The following SLC18A1 variants were observed in gnomAD, a reference collection of about 807,000 sequenced individuals.
SLC18A1 encodes the protein solute carrier family 18 member A1.
SLC18A1 carries 69 observed loss-of-function variants against 53.7 expected under a neutral mutation model. That is an observed-to-expected ratio of 1.28 (90% CI 1.06 to 1.57). SLC18A1 has a LOEUF of 1.57. SLC18A1 is among the 40% of genes most tolerant of loss of function. SLC18A1 has a pLI of 0.00. For missense variants in SLC18A1, 932 were observed against 668.1 expected (o/e 1.40, Z -4.35); for synonymous variants, 320 against 248.1 (o/e 1.29, Z -2.72).
intron 6 of SLC18A1, among the ~76,000 whole-genome samples, chr8:20,172,297 T>G (rs1209449321): frequency 6.6e-6 from 1 of 152,210 alleles, no homozygotes; most frequent in Non-Finnish European, 1.5e-5. Context: ...TGATGGATAC[T>G]AGCAAATAAC....
At chr8:20,166,845 C>T (rs1245837634) in intron 8 of SLC18A1, among the ~76,000 whole-genome samples, 2 of 151,812 alleles carry the variant, frequency 1.3e-5, no homozygotes, top group African/African-American at 2.4e-5. Context: ...AAACTGTTTT[C>T]CTTATAAAAA....
intron 8 of SLC18A1, among the ~76,000 whole-genome samples, chr8:20,170,168 G>A (rs2072074728): frequency 6.6e-6 from 1 of 152,190 alleles, no homozygotes; most frequent in Admixed American, 6.5e-5. Context: ...AAGCCAGTCT[G>A]TAAAGAGCAG....
rs1260694449 is a variant in SLC18A1, at chr8:20,146,254, G to A, written c.1465-378C>T. ...TTTTTTTTACCAATCTCCTCATTCC[G>A]TCCTCCCACTAGTTCTTCCAAGGCT... On this transcript the variant is annotated intron_variant, in intron 15 of 15. Coordinates refer to ENST00000276373, the MANE Select transcript of SLC18A1 (RefSeq NM_003053.4). 5.3e-5 allele frequency among the ~76,000 whole-genome samples: 8 copies of A among 151,896 alleles called. No homozygotes were observed. The East Asian group carries it at 5.8e-4, about 11-fold the overall frequency.
intron 10 of SLC18A1, among the ~76,000 whole-genome samples, chr8:20,153,907 A>G (rs997655456): frequency 6.6e-6 from 1 of 152,184 alleles, no homozygotes. Flanking sequence ...TTCACGTTAT[A>G]ACTTCATCTC....
rs956272440 is a variant in SLC18A1, at chr8:20,145,056, A to G, written c.*707T>C. 1 of 152,094 alleles carries G rather than the reference A, an allele frequency of 6.6e-6. No homozygotes were observed. Among genetic ancestry groups the G allele is most frequent in the Admixed American group, 6.6e-5 (1 of 15,266 alleles). 9.4% of individuals were successfully genotyped at this position (152,094 alleles called of 1,614,324 possible). Reference sequence around the variant, plus strand: ...GTCTAAGAGGTTCAGAAAAGGTAGGAACACACAGGGGAGGTCAGGAGAATG... The same window carrying G: ...GTCTAAGAGGTTCAGAAAAGGTAGGGACACACAGGGGAGGTCAGGAGAATG... On this transcript the variant is annotated 3_prime_UTR_variant, in exon 16 of 16. Transcript: ENST00000276373.
rs921708790 is a variant in SLC18A1, at chr8:20,159,869, A to G, written c.1015+5000T>C. 3.3e-5 allele frequency among the ~76,000 whole-genome samples: 5 copies of G among 152,198 alleles called. No individual in the cohort carries two copies. In the South Asian group the frequency reaches 1.0e-3, roughly 32 times the overall value. ...GCATGTCAGGACTTGAGTCCAGGCC[A>G]TCTCACTCTAACTCCAAGTGTTTCC... On this transcript the variant is annotated intron_variant, in intron 10 of 15. Coordinates refer to ENST00000276373, the MANE Select transcript of SLC18A1 (RefSeq NM_003053.4).
chr8:20,176,199 G>A (rs770636016), intron 4 of SLC18A1, among the ~76,000 whole-genome samples: 4 of 152,084 alleles, frequency 2.6e-5, no homozygotes, highest in Non-Finnish European at 4.4e-5. Flanking sequence ...TTGGTGGTGA[G>A]TGAGTTCTCA....
At chr8:20,169,784 C>G (rs1479214892) in intron 8 of SLC18A1, among the ~76,000 whole-genome samples, 1 of 152,076 alleles carries the variant, frequency 6.6e-6, no homozygotes, top group Non-Finnish European at 1.5e-5. Flanking sequence ...GAGGCTGACA[C>G]AGGAGAATCA....
In SLC18A1 at chr8:20,150,738, G is replaced by T. The variant is rs1236813431; in HGVS notation, c.1022C>A (p.Ala341Asp). 2.5e-6 allele frequency: 4 copies of T among 1,613,906 alleles called. No homozygotes were observed. Among genetic ancestry groups the T allele is most frequent in the Non-Finnish European group, 3.4e-6 (4 of 1,179,890 alleles). ...GTAGGACACACTGGCAGGCAAGAAA[G>T]CTAGACCTGTGGAAGGACACAGATC... ...MCSPKWQLGL[A>D]FLPASVSYLI... is the part of the protein sequence containing the mutation. The change falls in exon 11 of 16, where the codon GCT (alanine) becomes GAT (aspartate). Residue 341 changes from alanine to aspartate, a missense_variant. Coordinates refer to ENST00000276373, the MANE Select transcript of SLC18A1 (RefSeq NM_003053.4).
chr8:20,179,104 T>C lies in SLC18A1; in HGVS notation c.488+17A>G. ...TACTCCTGTGTACCCTGCGGGGCAC[T>C]GCACCCAGTGAGATACCTGTTGGTG... On this transcript the variant is annotated intron_variant, in intron 3 of 15. Coordinates refer to ENST00000276373, the MANE Select transcript of SLC18A1 (RefSeq NM_003053.4). The C allele has an allele frequency of 6.2e-7, 1 of 1,602,112 alleles. No homozygotes were observed.
chr8:20,164,726 C>G, intron 10 of SLC18A1, 143 bp downstream of exon 10: 2 of 637,434 alleles, frequency 3.1e-6, no homozygotes, highest in East Asian at 2.8e-5. Flanking sequence ...ACCACACACC[C>G]TCTTGGGCTT....
In SLC18A1 at chr8:20,173,146, G is replaced by A; in HGVS notation, c.632-18C>T. 6.4e-7 allele frequency: 1 copy of A among 1,550,602 alleles called. No individual in the cohort carries two copies. Among genetic ancestry groups the A allele is most frequent in the Non-Finnish European group, 8.7e-7 (1 of 1,145,782 alleles). On this transcript the variant is annotated intron_variant, in intron 5 of 15. Transcript: ENST00000276373. ...TCCAAGACCTGCGCAGAGAGTTACAGATGCAGCTGGCCCCCTGGGGGGCTT... is the reference window on the plus strand; with the variant it reads ...TCCAAGACCTGCGCAGAGAGTTACAAATGCAGCTGGCCCCCTGGGGGGCTT...
intron 12 of SLC18A1, among the ~76,000 whole-genome samples, chr8:20,148,981 T>A (rs1271956100): frequency 6.6e-6 from 1 of 152,080 alleles, no homozygotes; most frequent in East Asian, 1.9e-4. Context: ...CAAAGTCACA[T>A]GCATAGAAAG....
chr8:20,168,844 G>A (rs995883796), intron 8 of SLC18A1, among the ~76,000 whole-genome samples: 2 of 152,192 alleles, frequency 1.3e-5, no homozygotes, highest in African/African-American at 4.8e-5. Flanking sequence ...ATTCCTTACA[G>A]CAAAGTGCCA....
chr8:20,160,646 C>A (rs1497025), intron 10 of SLC18A1, among the ~76,000 whole-genome samples: 1 of 152,112 alleles, frequency 6.6e-6, no homozygotes, highest in South Asian at 2.1e-4. Flanking sequence ...CTGAAAAATA[C>A]CTACTTTTTT....
rs771720348 is a variant in SLC18A1 at position 20,164,864 on chromosome 8, C to G, written c.1015+5G>C. The G allele has an allele frequency of 1.9e-6, 3 of 1,603,938 alleles. No homozygotes were observed. Among genetic ancestry groups the G allele is most frequent in the Non-Finnish European group, 1.7e-6 (2 of 1,172,498 alleles). ...GCCCTGAGCGGGGGTGCTGAGGTCA[C>G]TTACCCAGCTGCCACTTGGGGGAGC... On this transcript the variant is annotated splice_donor_5th_base_variant and intron_variant, in intron 10 of 15. Coordinates refer to ENST00000276373, the MANE Select transcript of SLC18A1 (RefSeq NM_003053.4).
chr8:20,168,018 C>G (rs969839889), intron 8 of SLC18A1, among the ~76,000 whole-genome samples: 1 of 151,910 alleles, frequency 6.6e-6, no homozygotes, highest in African/African-American at 2.4e-5. Flanking sequence ...ACAAGATGAA[C>G]GTAGGACATA....
At position 20,171,505 on chromosome 8, in the gene SLC18A1, A is replaced by G. The variant is rs564707511; in HGVS notation, c.725-11T>C. On this transcript the variant is annotated splice_polypyrimidine_tract_variant and intron_variant, in intron 6 of 15. Transcript: ENST00000276373. Reference sequence around the variant, plus strand: ...CAAAGGGAGCTCCCACTGGAGAGGCATAGGAGACACAGATTCCAGAGGTGA... The same window carrying G: ...CAAAGGGAGCTCCCACTGGAGAGGCGTAGGAGACACAGATTCCAGAGGTGA... The G allele has an allele frequency of 8.1e-6, 13 of 1,605,678 alleles. No homozygotes were observed. Among genetic ancestry groups the G allele is most frequent in the East Asian group, 6.7e-5 (3 of 44,824 alleles).
Position 20,179,221 on chromosome 8 carries a change from C to A in SLC18A1, c.388G>T (p.Gly130Cys). 1 of 1,614,166 alleles carries A rather than the reference C, an allele frequency of 6.2e-7. No homozygotes were observed. The highest frequency in any genetic ancestry group is 8.5e-7 in the Non-Finnish European group (1 of 1,180,042). ...AHKNNCLQGTGFLEEEITRVG... is the reference protein window; with the variant it reads ...AHKNNCLQGTCFLEEEITRVG... ...CGGGTAATCTCTTCCTCCAAGAAAC[C>A]TGTGCCTTGCAAGCAGTTGTTTTTA... Residue 130 changes from glycine to cysteine, a missense_variant, in exon 3 of 16, where the codon GGT becomes TGT. Physicochemically the swap from Gly to Cys is radical, Grantham distance 159 (BLOSUM62 -3). Coordinates refer to ENST00000276373, the MANE Select transcript of SLC18A1 (RefSeq NM_003053.4).
Sources: allele counts gnomAD v4.1 joint callset (sites outside exome capture counted in the v4.1 genomes callset), GRCh38; gene constraint gnomAD v4.1.1; transcripts MANE v1.5; gene names NCBI Gene and HGNC (gene_info 2026-07-23, HGNC 2026-07-21).